CAPN3: variants seen among roughly 807,000 people sequenced by gnomAD.
CAPN3 encodes calpain 3.
In CAPN3, 88 loss-of-function variants were observed where a neutral mutation model predicts 114.0. The observed-to-expected ratio is 0.77, with a 90% CI of 0.65 to 0.92. CAPN3 has a LOEUF of 0.92. Among genes scored for constraint, CAPN3 ranks in the 40% least tolerant of loss-of-function variants. CAPN3 has a pLI of 0.00. For missense variants in CAPN3, 1,028 were observed against 1,069.0 expected, an observed-to-expected ratio of 0.96 and a Z score of 0.53; for synonymous variants, 386 against 382.9, an observed-to-expected ratio of 1.01 and a Z score of -0.09.
rs537788624 is a variant in CAPN3, at chr15:42,394,890, T to C, written c.1115+549T>C. 2.0e-5 allele frequency among the ~76,000 whole-genome samples: 3 copies of C among 152,312 alleles called. No individual in the cohort carries two copies. The South Asian group carries it at 6.2e-4, about 32-fold the overall frequency. On this transcript the variant is annotated intron_variant, in intron 8 of 23. Coordinates refer to ENST00000397163, the MANE Select transcript of CAPN3 (RefSeq NM_000070.3). The stretch of plus-strand genomic sequence containing the variant: ...CAAAAATAACAAACATGCGAAGTTA[T>C]TATGAAGGCTCCAGCACATTTGCAA...
chr15:42,360,548 A>G (rs2052615229), intron 1 of CAPN3, among the ~76,000 whole-genome samples: 1 of 152,154 alleles, frequency 6.6e-6, no homozygotes, highest in Non-Finnish European at 1.5e-5. Context: ...TCATGATGTT[A>G]TTCTTCTTTA....
At chr15:42,378,791 T>C (rs1235847197) in intron 1 of CAPN3, among the ~76,000 whole-genome samples, 1 of 152,190 alleles carries the variant, frequency 6.6e-6, no homozygotes, top group Non-Finnish European at 1.5e-5. Context: ...TAACTTTCCC[T>C]TTAAACACTG....
chr15:42,366,633 G>A (rs1382827904), intron 1 of CAPN3, among the ~76,000 whole-genome samples: 2 of 151,996 alleles, frequency 1.3e-5, no homozygotes, highest in Non-Finnish European at 2.9e-5. Flanking sequence ...TAATCTCTGG[G>A]GTGGGGGAAG....
rs28364494 is a variant in CAPN3 at position 42,402,407 on chromosome 15, A to T, written c.1536+272A>T. ...CACACTCACCCTCCTCCACGCTTAC[A>T]GCCACACACACAGTCACACAGACGC... On this transcript the variant is annotated intron_variant, in intron 12 of 23. Transcript: ENST00000397163. 818 of 1,441,424 alleles carry T rather than the reference A, an allele frequency of 5.7e-4. 1 individual carries two copies. In the African/African-American group the frequency reaches 0.01, roughly 18 times the overall value. 89.3% of individuals were successfully genotyped at this position (1,441,424 alleles called of 1,614,324 possible).
At chr15:42,396,133 T>G (rs2053681301) in intron 8 of CAPN3, among the ~76,000 whole-genome samples, 1 of 152,174 alleles carries the variant, frequency 6.6e-6, no homozygotes. Context: ...TCATTTTCCT[T>G]TTGCAATTGA....
intron 2 of CAPN3, chr15:42,385,585 C>G: frequency 4.1e-6 from 2 of 491,406 alleles, no homozygotes; most frequent in Non-Finnish European, 4.1e-6. Flanking sequence ...TTACCTCCAA[C>G]TACATACAGT....
Position 42,411,315 on chromosome 15 carries a change from A to T in CAPN3, c.2409A>T (p.Gly803=), listed in dbSNP as rs143139259. The change falls in exon 23 of 24, where the codon GGA becomes GGT. Residue 803 remains glycine (G), a synonymous_variant. Coordinates refer to ENST00000397163, the MANE Select transcript of CAPN3 (RefSeq NM_000070.3). Reference sequence around the variant, plus strand: ...CTTTTCATGCATTTGACAAGGATGGAGATGGTATCATCAAGCTCAACGTTC... The same window carrying T: ...CTTTTCATGCATTTGACAAGGATGGTGATGGTATCATCAAGCTCAACGTTC... ...FRAFHAFDKD[G]DGIIKLNVLE... is the part of the protein sequence containing the mutation. 6.2e-7 allele frequency: 1 copy of T among 1,614,142 alleles called. No individual in the cohort carries two copies. The highest frequency in any genetic ancestry group is 8.5e-7 in the Non-Finnish European group (1 of 1,179,996).
At position 42,408,266 on chromosome 15, in the gene CAPN3, A is replaced by G. The variant is rs1381329053; in HGVS notation, c.1856A>G (p.Gln619Arg). The G allele has an allele frequency of 1.2e-6, 2 of 1,613,954 alleles. No homozygotes were observed. ...ANSNKELGVDQESEEGKGKTS... is the reference protein window; with the variant it reads ...ANSNKELGVDRESEEGKGKTS... The stretch of plus-strand genomic sequence containing the variant: ...AGCAACAAGGAGCTGGGTGTGGACC[A>G]GGAGTCAGAGGAGGGCAAAGGCAAA... Residue 619 changes from glutamine (Q) to arginine (R), a missense_variant, in exon 16 of 24, where the codon CAG becomes CGG. Coordinates refer to ENST00000397163, the MANE Select transcript of CAPN3 (RefSeq NM_000070.3).
chr15:42,380,751 A>ATATATATATATATATATAT (rs1436943739), intron 1 of CAPN3, among the ~76,000 whole-genome samples: 3 of 64,484 alleles, frequency 4.7e-5, no homozygotes, highest in African/African-American at 2.7e-4. Context: ...ATATATATAT[A>ATATATATATATATATATAT]TTTTTTTTTT....
Position 42,412,139 on chromosome 15 carries a change from C to G in CAPN3, c.*366C>G, listed in dbSNP as rs2054278784. 6.5e-7 allele frequency: 1 copy of G among 1,536,038 alleles called. No individual in the cohort carries two copies. The highest frequency in any genetic ancestry group is 8.7e-7 in the Non-Finnish European group (1 of 1,146,900). On this transcript the variant is annotated 3_prime_UTR_variant, in exon 24 of 24. Coordinates refer to ENST00000397163, the MANE Select transcript of CAPN3 (RefSeq NM_000070.3). ...ACTCAGCACCTCCTTGTGCTAGAGC[C>G]CTCCATCACCTTCACGCTGTCCCAC...
At chr15:42,373,118 A>G (rs978981525) in intron 1 of CAPN3, among the ~76,000 whole-genome samples, 2 of 151,684 alleles carry the variant, frequency 1.3e-5, no homozygotes, top group African/African-American at 4.8e-5. Context: ...GCTTGAACCC[A>G]GGAGGTGGAG....
chr15:42,408,554 G>A (rs1319975283), intron 16 of CAPN3: 1 of 517,938 alleles, frequency 1.9e-6, no homozygotes, highest in East Asian at 4.2e-5. Flanking sequence ...GGCAGGCTGA[G>A]CCTCCCATGG....
At chr15:42,399,774 G>A (rs1487001857) in intron 10 of CAPN3, 122 bp downstream of exon 10, 6 of 869,650 alleles carry the variant, frequency 6.9e-6, no homozygotes, top group South Asian at 1.9e-5. Context: ...AACCTTCCCT[G>A]TTTTACTGAG....
intron 1 of CAPN3, among the ~76,000 whole-genome samples, chr15:42,362,937 T>C (rs755364477): frequency 6.6e-6 from 1 of 152,236 alleles, no homozygotes; most frequent in Non-Finnish European, 1.5e-5. Flanking sequence ...CTGCTTTTAC[T>C]GTCTAAGGCA....
chr15:42,402,972 G>A lies in CAPN3; in HGVS notation c.1715G>A (p.Arg572Gln), dbSNP rs121434544. 12 of 1,613,960 alleles carry A rather than the reference G, an allele frequency of 7.4e-6. No individual in the cohort carries two copies. Among genetic ancestry groups the A allele is most frequent in the East Asian group, 2.2e-5 (1 of 44,888 alleles). ...EPHQEGEFIL[R>Q]VFSEKRNLSE... ...CACCAGGAGGGGGAATTCATCCTCCGGGTCTTCTCTGAAAAGAGGAACCTC... is the reference window on the plus strand; with the variant it reads ...CACCAGGAGGGGGAATTCATCCTCCAGGTCTTCTCTGAAAAGAGGAACCTC... The change falls in exon 13 of 24, where the codon CGG becomes CAG. Residue 572 changes from arginine to glutamine, a missense_variant. Coordinates refer to ENST00000397163, the MANE Select transcript of CAPN3 (RefSeq NM_000070.3).
chr15:42,405,944 GT>G lies in CAPN3; in HGVS notation c.1800+2del. On this transcript the variant is annotated splice_donor_variant, in intron 15 of 23. Transcript: ENST00000397163. LOFTEE classifies it high-confidence loss of function. ...TATGCAGAAAAAGAAAAAAACCAAGGTAGGTGTGTGGGTAGAGAGCATGAAG... is the reference window on the plus strand; with the variant it reads ...TATGCAGAAAAAGAAAAAAACCAAGGAGGTGTGTGGGTAGAGAGCATGAAG... The G allele has an allele frequency of 1.9e-6, 3 of 1,611,936 alleles. No homozygotes were observed. The highest frequency in any genetic ancestry group is 2.5e-6 in the Non-Finnish European group (3 of 1,178,024).
In CAPN3 at chr15:42,387,836, C is replaced by T. The variant is rs780728918; in HGVS notation, c.582C>T (p.Ser194=). 1.2e-6 allele frequency: 2 copies of T among 1,614,170 alleles called. No homozygotes were observed. Among genetic ancestry groups the T allele is most frequent in the Non-Finnish European group, 1.7e-6 (2 of 1,180,022 alleles). ...ACAATCAACTGGTTTTCACCAAGTC[C>T]AACCACCGCAATGAGTTCTGGAGTG... ...TYNNQLVFTK[S]NHRNEFWSAL... is the part of the protein sequence containing the mutation. The change falls in exon 4 of 24, where the codon TCC becomes TCT. Residue 194 remains serine, a synonymous_variant. Transcript: ENST00000397163.
intron 16 of CAPN3, 57 bp downstream of exon 16, chr15:42,408,381 C>A: frequency 9.3e-7 from 1 of 1,077,538 alleles, no homozygotes; most frequent in Non-Finnish European, 1.4e-6. Context: ...GCTTCCTATG[C>A]GCTTGGGATA....
rs957963807 is a variant in CAPN3, at chr15:42,411,926, C to G, written c.*153C>G. On this transcript the variant is annotated 3_prime_UTR_variant, in exon 24 of 24. Transcript: ENST00000397163. ...GTCATGCTCCTCCTCCATTTTACCC[C>G]CTACCCATCCTTGATCGGTCATGCC... 1.9e-6 allele frequency: 3 copies of G among 1,550,640 alleles called. No homozygotes were observed. The highest frequency in any genetic ancestry group is 2.0e-5 in the Admixed American group (1 of 50,860).
Sources: allele counts gnomAD v4.1 joint callset (sites outside exome capture counted in the v4.1 genomes callset), GRCh38; gene constraint gnomAD v4.1.1; transcripts MANE v1.5; gene names NCBI Gene and HGNC (gene_info 2026-07-23, HGNC 2026-07-21).